PDE4D: variants seen among roughly 807,000 people sequenced by gnomAD.
PDE4D encodes phosphodiesterase 4D.
In PDE4D, 24 loss-of-function variants were observed where a neutral mutation model predicts 87.4. The ratio of observed to expected loss-of-function variants is 0.27; its 90% CI spans 0.20 to 0.39. The LOEUF is 0.39. PDE4D is among the 10% of genes least tolerant of loss of function. The pLI, the probability that PDE4D is intolerant of heterozygous loss-of-function variation, is 1.00. For missense variants in PDE4D, 714 were observed against 1,041.0 expected, an observed-to-expected ratio of 0.69 and a Z score of 4.32; for synonymous variants, 384 against 383.2, an observed-to-expected ratio of 1.00 and a Z score of -0.02.
chr5:60,155,750 A>T (rs1176458726), intron 2 of PDE4D, among the ~76,000 whole-genome samples: 2 of 152,200 alleles, frequency 1.3e-5, no homozygotes, highest in African/African-American at 4.8e-5. Context: ...CTCTATCTCA[A>T]CACCCAAGCT....
intron 1 of PDE4D, among the ~76,000 whole-genome samples, chr5:59,591,254 A>G (rs888671855): frequency 2.6e-5 from 4 of 152,224 alleles, no homozygotes; most frequent in Non-Finnish European, 4.4e-5. Context: ...TCAGTATTTC[A>G]TCCTCTTAAA....
At chr5:59,671,524 A>G (rs533045898) in intron 1 of PDE4D, among the ~76,000 whole-genome samples, 1 of 152,302 alleles carries the variant, frequency 6.6e-6, no homozygotes, top group South Asian at 2.1e-4. Context: ...ATACAATTTT[A>G]CAGCCAGGCA....
chr5:59,306,355 T>A (rs1771363285), intron 1 of PDE4D, among the ~76,000 whole-genome samples: 1 of 152,214 alleles, frequency 6.6e-6, no homozygotes, highest in African/African-American at 2.4e-5. Context: ...CAGTTCTGCA[T>A]CTTTTAAGTG....
intron 2 of PDE4D, among the ~76,000 whole-genome samples, chr5:60,178,193 C>A (rs979412941): frequency 6.6e-6 from 1 of 152,114 alleles, no homozygotes; most frequent in Non-Finnish European, 1.5e-5. Flanking sequence ...TTTTAACTTA[C>A]GTCTATTCTG....
At chr5:59,091,113 C>A (rs1419037534) in intron 5 of PDE4D, 1 of 453,518 alleles carries the variant, frequency 2.2e-6, no homozygotes. Flanking sequence ...TGCAATGATC[C>A]CATTATAGAG....
chr5:59,278,745 C>T (rs1219259306), intron 1 of PDE4D, among the ~76,000 whole-genome samples: 1 of 151,762 alleles, frequency 6.6e-6, no homozygotes, highest in Admixed American at 6.6e-5. Flanking sequence ...GTATAATTTG[C>T]CCCCAAAATA....
chr5:60,379,531 G>T (rs983666737), intron 1 of PDE4D, among the ~76,000 whole-genome samples: 14 of 152,174 alleles, frequency 9.2e-5, no homozygotes, highest in Admixed American at 6.5e-4. Context: ...ACATCTAAAG[G>T]ATGCAGAGGA....
At chr5:60,086,795 C>T (rs1232991894) in intron 2 of PDE4D, among the ~76,000 whole-genome samples, 1 of 152,216 alleles carries the variant, frequency 6.6e-6, no homozygotes, top group Non-Finnish European at 1.5e-5. Flanking sequence ...TCCCAGAGGG[C>T]TGATTGGAAG....
chr5:60,391,804 G>A (rs1762576773), intron 1 of PDE4D, among the ~76,000 whole-genome samples: 3 of 152,084 alleles, frequency 2.0e-5, no homozygotes, highest in African/African-American at 7.2e-5. Context: ...CTCTTTGGGG[G>A]CCATTATTCT....
intron 1 of PDE4D, among the ~76,000 whole-genome samples, chr5:59,334,146 T>A (rs112089877): frequency 6.6e-6 from 1 of 151,890 alleles, no homozygotes; most frequent in Admixed American, 6.6e-5. Flanking sequence ...TTTTTTTAAA[T>A]TGGAGTCTGA....
intron 1 of PDE4D, among the ~76,000 whole-genome samples, chr5:59,341,703 CCTAT>C (rs1778763083): frequency 1.3e-5 from 2 of 152,152 alleles, no homozygotes; most frequent in African/African-American, 4.8e-5. Flanking sequence ...TGGCGTAACT[CCTAT>C]CTATTTTACA....
At chr5:60,256,582 T>TA (rs958357992) in intron 1 of PDE4D, among the ~76,000 whole-genome samples, 1 of 151,690 alleles carries the variant, frequency 6.6e-6, no homozygotes, top group Non-Finnish European at 1.5e-5. Context: ...ACACATTGCA[T>TA]AAAAAAAATT....
intron 2 of PDE4D, among the ~76,000 whole-genome samples, chr5:60,113,923 T>G (rs1354280033): frequency 6.6e-6 from 1 of 152,130 alleles, no homozygotes; most frequent in East Asian, 1.9e-4. Flanking sequence ...TCCACATAGT[T>G]CAACTCCAAA....
chr5:59,951,048 T>A (rs1277646173), intron 3 of PDE4D, among the ~76,000 whole-genome samples: 2 of 152,118 alleles, frequency 1.3e-5, no homozygotes, highest in Non-Finnish European at 2.9e-5. Context: ...TTCATAAATA[T>A]TAATTTATTT....
intron 1 of PDE4D, among the ~76,000 whole-genome samples, chr5:59,777,663 G>A (rs902164905): frequency 1.3e-5 from 2 of 152,144 alleles, no homozygotes; most frequent in Admixed American, 6.6e-5. Context: ...GATGGCTAAT[G>A]AATACAGCAA....
chr5:60,142,339 A>G (rs1010290039), intron 2 of PDE4D, among the ~76,000 whole-genome samples: 2 of 152,198 alleles, frequency 1.3e-5, no homozygotes, highest in African/African-American at 4.8e-5. Flanking sequence ...CATACTCTTC[A>G]CAAGCAGTCT....
chr5:59,114,171 A>T (rs552564933), intron 5 of PDE4D, among the ~76,000 whole-genome samples: 26 of 151,036 alleles, frequency 1.7e-4, no homozygotes, highest in Non-Finnish European at 2.4e-4. Flanking sequence ...ATGCAGAAAA[A>T]TTTTTTTTTT....
At chr5:59,136,878 A>G (rs1413981258) in intron 5 of PDE4D, among the ~76,000 whole-genome samples, 1 of 152,200 alleles carries the variant, frequency 6.6e-6, no homozygotes, top group Admixed American at 6.5e-5. Flanking sequence ...TTTTCAAAGG[A>G]ATGAGGACTT....
At chr5:59,931,863 G>T (rs1009514231) in intron 3 of PDE4D, among the ~76,000 whole-genome samples, 1 of 151,898 alleles carries the variant, frequency 6.6e-6, no homozygotes, top group African/African-American at 2.4e-5. Context: ...CACCATACCC[G>T]GCTAATTTTT....
Sources: allele counts gnomAD v4.1 joint callset (sites outside exome capture counted in the v4.1 genomes callset), GRCh38; gene constraint gnomAD v4.1.1; transcripts MANE v1.5; gene names NCBI Gene and HGNC (gene_info 2026-07-23, HGNC 2026-07-21).